Variants in NECAB3 observed in about 807,000 individuals in gnomAD.
NECAB3 encodes N-terminal EF-hand calcium binding protein 3, also known as N-terminal EF-hand calcium-binding protein 3.
A neutral mutation model predicts 57.2 loss-of-function variants in NECAB3; 38 were observed. That is an observed-to-expected ratio of 0.66 (90% CI 0.51 to 0.87). NECAB3 has a LOEUF of 0.87. Ranked by LOEUF, NECAB3 falls within the 40% of genes least tolerant of loss-of-function variation. The pLI is 0.00. For missense variants in NECAB3, 474 were observed against 527.5 expected (o/e 0.90, Z 0.99); for synonymous variants, 223 against 222.6 (o/e 1.00, Z -0.02).
intron 5 of NECAB3, chr20:33,669,011 G>A: frequency 3.6e-6 from 1 of 278,210 alleles, no homozygotes. Flanking sequence ...GCCCAGCCCT[G>A]AATGATATCC....
chr20:33,672,943 G>A (rs1026940295), intron 1 of NECAB3, among the ~76,000 whole-genome samples: 4 of 152,158 alleles, frequency 2.6e-5, no homozygotes, highest in African/African-American at 4.8e-5. Context: ...CTCTGCAGGC[G>A]CCTGAGTTAC....
intron 5 of NECAB3, 158 bp downstream of exon 5, chr20:33,669,217 C>A: frequency 1.5e-6 from 1 of 652,542 alleles, no homozygotes. Context: ...AGGAAACAGG[C>A]CCAGAGAGGT....
chr20:33,663,326 G>C, intron 5 of NECAB3: 1 of 575,734 alleles, frequency 1.7e-6, no homozygotes, highest in Non-Finnish European at 3.0e-6. Flanking sequence ...GGCGGAGTCC[G>C]GGGCGCCACG....
rs905500484 is a variant in NECAB3 at position 33,662,269 on chromosome 20, G to A, written c.388-1874C>T. Reference sequence around the variant, plus strand: ...GCAATTGGTGAGGTCAGCCCGTGAGGTCACAATGTTGCCAGGGCCCAGGGG... The same window carrying A: ...GCAATTGGTGAGGTCAGCCCGTGAGATCACAATGTTGCCAGGGCCCAGGGG... On this transcript the variant is annotated intron_variant, in intron 5 of 11. Transcript: ENST00000246190. The A allele has an allele frequency of 6.6e-6, 10 of 1,524,854 alleles. No individual in the cohort carries two copies. The African/African-American group carries it at 1.4e-4, about 21-fold the overall frequency. The allele number at this position is 1,524,854 out of a possible 1,614,324, so 94.5% of individuals were successfully genotyped here. A position where few individuals can be genotyped will look rare whatever the true frequency, so the allele number is the denominator to read the frequency against.
intron 5 of NECAB3, chr20:33,667,613 AC>A: frequency 1.9e-6 from 3 of 1,593,162 alleles, no homozygotes; most frequent in Non-Finnish European, 2.6e-6. Context: ...CACTCGTGGC[AC>A]CAGGCCACCT....
At chr20:33,658,292 C>T (rs1046808534) in intron 10 of NECAB3, among the ~76,000 whole-genome samples, 185 bp downstream of exon 10, 8 of 152,146 alleles carry the variant, frequency 5.3e-5, no homozygotes, top group African/African-American at 1.7e-4. Flanking sequence ...CCAGTCACCT[C>T]CTTTAGCCCA....
intron 5 of NECAB3, chr20:33,668,233 T>C: frequency 6.3e-7 from 1 of 1,578,864 alleles, no homozygotes; most frequent in Non-Finnish European, 8.6e-7. Flanking sequence ...TGTGTTCAAC[T>C]GAGTCAGGCT....
rs773317895 is a variant in NECAB3 at position 33,660,297 on chromosome 20, C to T, written c.486G>A (p.Gly162=). The change falls in exon 6 of 12, where the codon GGG becomes GGA. Residue 162 remains glycine, a synonymous_variant. Coordinates refer to ENST00000246190, the MANE Select transcript of NECAB3 (RefSeq NM_031232.4). The surrounding 1 kb of genome is among the most constrained non-coding windows in gnomAD (Gnocchi z 4.1). The part of the protein sequence containing the change: ...QLQALQSSLE[G]ASDTLEAQAH... ...CCTGGGCCTCCAGGGTATCTGACGCCCCCTCCAGCGAGCTCTGAAGGGCTT... is the reference window on the plus strand; with the variant it reads ...CCTGGGCCTCCAGGGTATCTGACGCTCCCTCCAGCGAGCTCTGAAGGGCTT... The T allele has an allele frequency of 6.2e-7, 1 of 1,613,328 alleles. No individual in the cohort carries two copies. The highest frequency in any genetic ancestry group is 1.1e-5 in the South Asian group (1 of 91,088).
At chr20:33,669,308 G>T in intron 5 of NECAB3, 67 bp downstream of exon 5, 1 of 1,499,728 alleles carries the variant, frequency 6.7e-7, no homozygotes, top group Non-Finnish European at 9.3e-7. Flanking sequence ...GACTGTGGAG[G>T]ATCCCACAGC....
intron 3 of NECAB3, chr20:33,670,300 C>A (rs932538453): frequency 5.0e-6 from 1 of 202,000 alleles, no homozygotes; most frequent in African/African-American, 2.3e-5. Context: ...AAGGAGCGTG[C>A]ACACTCCTGC....
chr20:33,657,720 C>T lies in NECAB3; in HGVS notation c.*109G>A. 2 of 1,207,368 alleles carry T rather than the reference C, an allele frequency of 1.7e-6. No individual in the cohort carries two copies. Among genetic ancestry groups the T allele is most frequent in the Non-Finnish European group, 2.3e-6 (2 of 885,250 alleles). The allele number at this position is 1,207,368 out of a possible 1,614,324, so 74.8% of individuals were successfully genotyped here. A position where few individuals can be genotyped will look rare whatever the true frequency, so the allele number is the denominator to read the frequency against. On this transcript the variant is annotated 3_prime_UTR_variant, in exon 12 of 12. Transcript: ENST00000246190. ...GGGCTGAGAGCCCTTCCACCAGGCCCAAGTCCAGGAGGAGACAAGTCCTGG... is the reference window on the plus strand; with the variant it reads ...GGGCTGAGAGCCCTTCCACCAGGCCTAAGTCCAGGAGGAGACAAGTCCTGG...
intron 5 of NECAB3, chr20:33,667,873 C>A (rs2017724090): frequency 6.2e-7 from 1 of 1,600,158 alleles, no homozygotes; most frequent in Non-Finnish European, 8.5e-7. Context: ...CTGCCCCGAA[C>A]CCATCTTCCA....
Position 33,662,357 on chromosome 20 carries a change from T to C in NECAB3, c.388-1962A>G, listed in dbSNP as rs759359211. On this transcript the variant is annotated intron_variant, in intron 5 of 11. Coordinates refer to ENST00000246190, the MANE Select transcript of NECAB3 (RefSeq NM_031232.4). Reference sequence around the variant, plus strand: ...TGACCAGCCCTGCCATGGGAAACTATAGTTCCCACAAAAGGACCAAAGCAC... The same window carrying C: ...TGACCAGCCCTGCCATGGGAAACTACAGTTCCCACAAAAGGACCAAAGCAC... 7.7e-6 allele frequency: 12 copies of C among 1,551,250 alleles called. No homozygotes were observed. The South Asian group carries it at 8.3e-5, about 11-fold the overall frequency.
chr20:33,659,440 A>G (rs1342950195), intron 8 of NECAB3, 57 bp downstream of exon 8: 12 of 1,395,896 alleles, frequency 8.6e-6, no homozygotes, highest in African/African-American at 5.8e-5. Flanking sequence ...TGAATCCCCA[A>G]TTCATGAGCA....
chr20:33,669,068 G>A (rs1181213714), intron 5 of NECAB3: 4 of 364,118 alleles, frequency 1.1e-5, no homozygotes, highest in Non-Finnish European at 1.0e-5. Flanking sequence ...GCAGCCCCTA[G>A]TATGAAGCAC....
chr20:33,671,625 C>A (rs970118316), intron 2 of NECAB3, among the ~76,000 whole-genome samples: 1 of 152,182 alleles, frequency 6.6e-6, no homozygotes, highest in African/African-American at 2.4e-5. Context: ...AAGCTCAGAC[C>A]CTCCACGGGC....
rs772005089 is a variant in NECAB3, at chr20:33,660,336, C to T, written c.447G>A (p.Thr149=). 30 of 1,613,434 alleles carry T rather than the reference C, an allele frequency of 1.9e-5. No homozygotes were observed. The highest frequency in any genetic ancestry group is 3.3e-5 in the Admixed American group (2 of 60,004). The change falls in exon 6 of 12, where the codon ACG becomes ACA. Residue 149 remains threonine, a synonymous_variant. Transcript: ENST00000246190. This position sits in a 1 kb window ranked among gnomAD's most constrained non-coding sequence, Gnocchi z 4.1. ...QFVTRFLLRE[T]VSQLQALQSS... is the part of the protein sequence containing the mutation. ...TCTGAAGGGCTTGCAGCTGGCTCAC[C>T]GTCTCCCGCAGCAGGAAGCGCGTCA...
intron 5 of NECAB3, chr20:33,662,496 GGCTGGGGAGGCA>G (rs1176244709): frequency 6.5e-7 from 1 of 1,549,306 alleles, no homozygotes. Flanking sequence ...TGGGGAGCAG[GGCTGGGGAGGCA>G]GCTGGGGGGC....
intron 5 of NECAB3, chr20:33,663,529 C>A (rs758953045): frequency 1.2e-6 from 2 of 1,608,396 alleles, no homozygotes; most frequent in Non-Finnish European, 1.7e-6. Context: ...GTTCCACCCC[C>A]AGACCAGGAT....
Sources: allele counts gnomAD v4.1 joint callset (sites outside exome capture counted in the v4.1 genomes callset), GRCh38; gene constraint gnomAD v4.1.1; non-coding constraint Gnocchi (gnomAD v3.1); transcripts MANE v1.5; gene names NCBI Gene and HGNC (gene_info 2026-07-23, HGNC 2026-07-21).